The following VAV2 variants were observed in gnomAD, a reference collection of about 807,000 sequenced individuals.
VAV2 encodes guanine nucleotide exchange factor VAV2.
A neutral mutation model predicts 132.5 loss-of-function variants in VAV2; 67 were observed. The ratio of observed to expected loss-of-function variants is 0.51; its 90% confidence interval spans 0.42 to 0.62. The LOEUF is 0.62. VAV2 is among the 20% of genes least tolerant of loss of function. The probability of loss-of-function intolerance (pLI) is 0.00; values close to 1 mark genes in which losing one functional copy is unlikely to be tolerated. For synonymous variants in VAV2, 492 were observed against 443.5 expected, an observed-to-expected ratio of 1.11 and a Z score of -1.37; for missense variants, 938 against 1,153.6, an observed-to-expected ratio of 0.81 and a Z score of 2.71.
In VAV2 at chr9:133,909,590, A is replaced by G. The variant is rs373564065; in HGVS notation, c.321+29513T>C. Among the ~76,000 whole-genome samples, 44 of 152,162 alleles carry G rather than the reference A, an allele frequency of 2.9e-4. 1 individual carries two copies. The highest frequency in any genetic ancestry group is 9.9e-4 in the African/African-American group (41 of 41,506). On this transcript the variant is annotated intron_variant, in intron 2 of 29. Coordinates refer to ENST00000371850, the MANE Select transcript of VAV2 (RefSeq NM_001134398.2). The stretch of plus-strand genomic sequence containing the variant: ...GATGGAAGGCTGTGCCATCCACAAG[A>G]GATAGCCAGCGGCTATCTCTTCCTC...
chr9:133,905,486 G>A (rs1246005013), intron 2 of VAV2, among the ~76,000 whole-genome samples: 2 of 151,804 alleles, frequency 1.3e-5, no homozygotes, highest in East Asian at 3.9e-4. Context: ...TCTGGGTCAG[G>A]GAGGGGCCTA....
At chr9:133,851,716 ATGAATAGATGGG>A in intron 3 of VAV2, among the ~76,000 whole-genome samples, 1 of 151,308 alleles carries the variant, frequency 6.6e-6, no homozygotes, top group Admixed American at 6.6e-5. Context: ...AAATGAATGG[ATGAATAGATGGG>A]TGAATGAATG....
chr9:133,805,122 G>A (rs375109127), intron 9 of VAV2, among the ~76,000 whole-genome samples: 38 of 152,250 alleles, frequency 2.5e-4, no homozygotes, highest in African/African-American at 8.2e-4. Flanking sequence ...CTGTGCTGAC[G>A]GCCACCTGGC....
chr9:133,968,622 C>A (rs555815973), intron 1 of VAV2, among the ~76,000 whole-genome samples: 2 of 152,186 alleles, frequency 1.3e-5, no homozygotes, highest in Non-Finnish European at 2.9e-5. Flanking sequence ...ACGACCCGGG[C>A]TCTGGGGCTG....
In VAV2 at chr9:133,783,491, G is replaced by GA; in HGVS notation, c.1723+11_1723+12insT. On this transcript the variant is annotated intron_variant, in intron 19 of 29. Transcript: ENST00000371850. ...CCAGGGACTGGGGTGGGGGGGTGAG[G>GA]GGGGTACTCACTGAACTTGCAGGGA... 3 of 1,607,920 alleles carry GA rather than the reference G, an allele frequency of 1.9e-6. No individual in the cohort carries two copies. The highest frequency in any genetic ancestry group is 2.6e-6 in the Non-Finnish European group (3 of 1,175,824).
intron 29 of VAV2, among the ~76,000 whole-genome samples, chr9:133,766,755 A>AATAAAT (rs1554767587): frequency 6.8e-5 from 2 of 29,510 alleles, no homozygotes; most frequent in Non-Finnish European, 1.3e-4. Context: ...TTAAAGTATA[A>AATAAAT]ATAAATATAT....
At chr9:133,873,691 G>C (rs763886912) in intron 2 of VAV2, among the ~76,000 whole-genome samples, 1 of 152,208 alleles carries the variant, frequency 6.6e-6, no homozygotes, top group Admixed American at 6.5e-5. Context: ...TCCCCACCAG[G>C]AAACTCTACA....
chr9:133,880,945 C>A lies in VAV2; in HGVS notation c.322-19513G>T, dbSNP rs550516864. ...AACTGCAAGGATCCCTGGGCATGAG[C>A]CTAGGTGCTGCCTTCGGTGGCTACA... On this transcript the variant is annotated intron_variant, in intron 2 of 29. Coordinates refer to ENST00000371850, the MANE Select transcript of VAV2 (RefSeq NM_001134398.2). Among the ~76,000 whole-genome samples the A allele has an allele frequency of 1.1e-4, 17 of 152,344 alleles. No individual in the cohort carries two copies. In the South Asian group the frequency reaches 3.5e-3, roughly 32 times the overall value.
At chr9:133,778,737 GA>G in intron 22 of VAV2, 24 bp downstream of exon 22, 1 of 1,610,000 alleles carries the variant, frequency 6.2e-7, no homozygotes, top group African/African-American at 1.3e-5. Flanking sequence ...GGGGACCCTC[GA>G]CCCTCCCGGG....
chr9:133,967,741 G>T (rs1278022259), intron 1 of VAV2, among the ~76,000 whole-genome samples: 2 of 130,188 alleles, frequency 1.5e-5, no homozygotes, highest in African/African-American at 5.8e-5. Flanking sequence ...AGACCAGCCC[G>T]CCCAACGTGG....
Position 133,861,373 on chromosome 9 carries a change from C to A in VAV2, c.380+1G>T. On this transcript the variant is annotated splice_donor_variant, in intron 3 of 29. Transcript: ENST00000371850. LOFTEE classifies it high-confidence loss of function. ...TTGGCAGCGCACTCCGGAGAGCTCA[C>A]CTGATCCCTTTGTTCTGCGCGATGC... 6.2e-7 allele frequency: 1 copy of A among 1,612,216 alleles called. No individual in the cohort carries two copies. The highest frequency in any genetic ancestry group is 1.7e-5 in the Admixed American group (1 of 59,812).
intron 2 of VAV2, among the ~76,000 whole-genome samples, chr9:133,890,299 GTCACAGAGGGACTGACGGCGCGTC>G (rs1295619467): frequency 6.6e-6 from 1 of 152,238 alleles, no homozygotes; most frequent in Admixed American, 6.5e-5. Context: ...CTTGCTGCCT[GTCACAGAGGGACTGACGGCGCGTC>G]TCACGCAGGC....
At chr9:133,913,524 G>C (rs563962648) in intron 2 of VAV2, among the ~76,000 whole-genome samples, 2 of 152,204 alleles carry the variant, frequency 1.3e-5, no homozygotes, top group African/African-American at 4.8e-5. Flanking sequence ...AGAAATGACC[G>C]ATCCTTTGCC....
chr9:133,903,171 GC>G (rs1680916329), intron 2 of VAV2, among the ~76,000 whole-genome samples: 1 of 151,726 alleles, frequency 6.6e-6, no homozygotes, highest in Non-Finnish European at 1.5e-5. Context: ...CCGTCTGCAA[GC>G]CCAGGAGAGT....
intron 11 of VAV2, 146 bp downstream of exon 11, chr9:133,796,283 G>T (rs984861658): frequency 3.1e-6 from 2 of 638,166 alleles, no homozygotes; most frequent in African/African-American, 3.7e-5. Context: ...TGCATTGAGC[G>T]GTGATTATGA....
chr9:133,786,013 C>T (rs2131605003), intron 16 of VAV2, 128 bp from the exon 17 acceptor site: 1 of 786,598 alleles, frequency 1.3e-6, no homozygotes, highest in Non-Finnish European at 2.1e-6. Flanking sequence ...GGTGCCTGTG[C>T]CTGTGTGAAC....
intron 19 of VAV2, among the ~76,000 whole-genome samples, chr9:133,782,500 C>T (rs1386447128): frequency 6.6e-6 from 1 of 152,108 alleles, no homozygotes; most frequent in Non-Finnish European, 1.5e-5. Context: ...ACCTTCTGGC[C>T]CTCTCCCCAG....
intron 2 of VAV2, among the ~76,000 whole-genome samples, chr9:133,871,929 T>C (rs1273358941): frequency 6.6e-6 from 1 of 152,124 alleles, no homozygotes; most frequent in East Asian, 1.9e-4. Flanking sequence ...AGCCTCCAGC[T>C]AGACCCTGGC....
intron 4 of VAV2, among the ~76,000 whole-genome samples, chr9:133,831,898 C>A (rs1287884397): frequency 6.6e-6 from 1 of 152,208 alleles, no homozygotes; most frequent in Non-Finnish European, 1.5e-5. Flanking sequence ...CCAGTGGTGT[C>A]CCCTCTCTGG....
Sources: allele counts gnomAD v4.1 joint callset (sites outside exome capture counted in the v4.1 genomes callset), GRCh38; gene constraint gnomAD v4.1.1; transcripts MANE v1.5; gene names NCBI Gene and HGNC (gene_info 2026-07-23, HGNC 2026-07-21).